The following CFAP20DC variants were observed in gnomAD, a reference collection of about 807,000 sequenced individuals.
CFAP20DC encodes CFAP20 domain containing.
A neutral mutation model predicts 101.7 loss-of-function variants in CFAP20DC; 84 were observed. That is an observed-to-expected ratio of 0.83 (90% confidence interval 0.69 to 0.99). CFAP20DC has a LOEUF of 0.99. Ranked by LOEUF, CFAP20DC falls within the 50% of genes least tolerant of loss-of-function variation. The pLI is 0.00. For missense variants in CFAP20DC, 1,007 were observed against 970.3 expected (o/e 1.04, Z -0.50); for synonymous variants, 359 against 351.2 (o/e 1.02, Z -0.25).
intron 4 of CFAP20DC, among the ~76,000 whole-genome samples, chr3:58,972,749 T>G (rs924635949): frequency 6.6e-6 from 1 of 152,148 alleles, no homozygotes; most frequent in Admixed American, 6.6e-5. Context: ...TATACTCAAT[T>G]TGTAAGTTTC....
chr3:58,992,639 C>T (rs1353511053), intron 4 of CFAP20DC: 4 of 780,276 alleles, frequency 5.1e-6, no homozygotes, highest in Non-Finnish European at 6.2e-6. Context: ...ACAATAAATA[C>T]AAAAATAATT....
chr3:58,935,150 T>C (rs2087355253), intron 5 of CFAP20DC, among the ~76,000 whole-genome samples: 1 of 152,116 alleles, frequency 6.6e-6, no homozygotes, highest in Non-Finnish European at 1.5e-5. Flanking sequence ...GAGAGCCAAA[T>C]CATGAGTGAA....
intron 14 of CFAP20DC, among the ~76,000 whole-genome samples, chr3:58,808,993 T>C (rs1304022115): frequency 1.3e-5 from 2 of 151,806 alleles, no homozygotes; most frequent in Non-Finnish European, 2.9e-5. Context: ...GGTAAAGGGA[T>C]GAATTCAACA....
chr3:58,751,316 G>A (rs1051390872), intron 16 of CFAP20DC, among the ~76,000 whole-genome samples: 1 of 152,214 alleles, frequency 6.6e-6, no homozygotes, highest in African/African-American at 2.4e-5. Context: ...ACAGTGAGTG[G>A]CAGACTGATC....
chr3:59,010,082 G>A (rs2093545767), intron 4 of CFAP20DC, among the ~76,000 whole-genome samples: 1 of 151,866 alleles, frequency 6.6e-6, no homozygotes, highest in African/African-American at 2.4e-5. Flanking sequence ...ACAAAACCCT[G>A]AAATACACCA....
At chr3:58,845,631 CA>C (rs1214211205) in intron 13 of CFAP20DC, among the ~76,000 whole-genome samples, 1 of 152,084 alleles carries the variant, frequency 6.6e-6, no homozygotes, top group Non-Finnish European at 1.5e-5. Flanking sequence ...CCAATCAATA[CA>C]AAAAGAGGGA....
chr3:58,953,661 T>TGA (rs750990799), intron 4 of CFAP20DC: 4 of 152,184 alleles, frequency 2.6e-5, no homozygotes, highest in South Asian at 4.1e-4. Flanking sequence ...TAGTCATTCA[T>TGA]GAGAGAGAGA....
intron 5 of CFAP20DC, among the ~76,000 whole-genome samples, chr3:58,936,437 G>A (rs926478816): frequency 3.9e-5 from 6 of 152,170 alleles, no homozygotes; most frequent in South Asian, 2.1e-4. Flanking sequence ...TATACCCAAA[G>A]GGTTAGAAAT....
rs1481534772 is a variant in CFAP20DC, at chr3:58,729,962, G to A, written c.198-12334C>T. Among the ~76,000 whole-genome samples, 2 of 144,360 alleles carry A rather than the reference G, an allele frequency of 1.4e-5. No homozygotes were observed. The highest frequency in any genetic ancestry group is 2.6e-5 in the African/African-American group (1 of 38,428). 94.7% of individuals were successfully genotyped at this position (144,360 alleles called of 152,430 possible). Reference sequence around the variant, plus strand: ...GAACCCAGGAGGCAGAGGTTGTGGTGAACTGAGATCACGCCATTGCATTCC... The same window carrying A: ...GAACCCAGGAGGCAGAGGTTGTGGTAAACTGAGATCACGCCATTGCATTCC... On this transcript the variant is annotated intron_variant, in intron 3 of 3. Transcript: ENST00000486145. The surrounding 1 kb of genome is among the most constrained non-coding windows in gnomAD (Gnocchi z 4.4).
chr3:59,039,531 A>G (rs1228998396), intron 4 of CFAP20DC, 26 bp downstream of exon 4: 2 of 1,358,942 alleles, frequency 1.5e-6, no homozygotes, highest in Non-Finnish European at 2.0e-6. Context: ...CACACAAAAC[A>G]TTCAAAGAAG....
chr3:58,998,348 C>T (rs955862793), intron 4 of CFAP20DC, among the ~76,000 whole-genome samples: 5 of 152,194 alleles, frequency 3.3e-5, no homozygotes, highest in Non-Finnish European at 7.3e-5. Flanking sequence ...TAGCTATCCT[C>T]TGTAAGCCTA....
intron 15 of CFAP20DC, among the ~76,000 whole-genome samples, chr3:58,787,944 A>G (rs989039865): frequency 3.3e-5 from 5 of 151,362 alleles, no homozygotes; most frequent in Non-Finnish European, 5.9e-5. Context: ...CAATGAGAAC[A>G]CACAGACACA....
chr3:59,026,408 C>T (rs1311289634), intron 4 of CFAP20DC, among the ~76,000 whole-genome samples: 4 of 152,120 alleles, frequency 2.6e-5, no homozygotes, highest in Non-Finnish European at 5.9e-5. Context: ...ATTTGGTTAA[C>T]ATCTCTTTTA....
intron 4 of CFAP20DC, among the ~76,000 whole-genome samples, chr3:59,029,797 G>A (rs2093955521): frequency 6.6e-6 from 1 of 152,180 alleles, no homozygotes; most frequent in South Asian, 2.1e-4. Context: ...TGTGATGGTG[G>A]TTTGGGACTA....
chr3:58,948,919 T>A (rs535165063), intron 4 of CFAP20DC, among the ~76,000 whole-genome samples: 7 of 152,224 alleles, frequency 4.6e-5, no homozygotes, highest in African/African-American at 1.4e-4. Flanking sequence ...CTTCTGGTCC[T>A]GGACTTTTTT....
At chr3:58,907,143 G>A (rs1488331757) in intron 6 of CFAP20DC, among the ~76,000 whole-genome samples, 2 of 151,882 alleles carry the variant, frequency 1.3e-5, no homozygotes, top group Non-Finnish European at 2.9e-5. Context: ...CTGTGTAAAT[G>A]TCCTTTCATT....
At chr3:58,851,563 A>C (rs2078233189) in intron 12 of CFAP20DC, among the ~76,000 whole-genome samples, 1 of 152,178 alleles carries the variant, frequency 6.6e-6, no homozygotes, top group African/African-American at 2.4e-5. Context: ...GTTGGACTTC[A>C]AAAAGCTCCA....
chr3:58,926,317 G>C (rs1356279418), intron 5 of CFAP20DC, among the ~76,000 whole-genome samples: 3 of 151,616 alleles, frequency 2.0e-5, no homozygotes, highest in African/African-American at 7.3e-5. Flanking sequence ...AGTGAGCCGA[G>C]ATCATGCCAC....
chr3:58,768,397 A>G (rs1229042538), intron 15 of CFAP20DC, among the ~76,000 whole-genome samples: 3 of 152,188 alleles, frequency 2.0e-5, no homozygotes, highest in Non-Finnish European at 2.9e-5. Flanking sequence ...GGAAGAGGAA[A>G]CCAGTTTGGG....
Sources: allele counts gnomAD v4.1 joint callset (sites outside exome capture counted in the v4.1 genomes callset), GRCh38; gene constraint gnomAD v4.1.1; non-coding constraint Gnocchi (gnomAD v3.1); transcripts MANE v1.5; gene names NCBI Gene and HGNC (gene_info 2026-07-23, HGNC 2026-07-21).